The following DNAJC19 variants were observed in gnomAD, a reference collection of about 807,000 sequenced individuals.
DNAJC19 encodes the protein mitochondrial import inner membrane translocase subunit TIM14.
DNAJC19 carries 15 observed loss-of-function variants against 19.8 expected under a neutral mutation model. That is an observed-to-expected ratio of 0.76 (90% CI 0.51 to 1.17). The LOEUF (loss-of-function observed/expected upper bound fraction) is 1.17. Among genes scored for constraint, DNAJC19 ranks in the 50% most tolerant of loss-of-function variants. The probability of loss-of-function intolerance (pLI) is 0.00; values close to 1 mark genes in which losing one functional copy is unlikely to be tolerated. For missense variants in DNAJC19, 105 were observed against 140.9 expected, an observed-to-expected ratio of 0.75 and a Z score of 1.29; for synonymous variants, 38 against 42.1, an observed-to-expected ratio of 0.90 and a Z score of 0.38.
rs1715105210 is a variant in DNAJC19 at position 180,989,472 on chromosome 3, C to T, written c.3+128G>A. ...TTGTGTCCTGGTGAGTGTGACTCCC[C>T]AATAACCGAAACCTCCCGCCCGCAG... On this transcript the variant is annotated intron_variant, in intron 1 of 5. Transcript: ENST00000382564. 8 of 1,534,606 alleles carry T rather than the reference C, an allele frequency of 5.2e-6. No homozygotes were observed. In the South Asian group the frequency reaches 9.7e-5, roughly 19 times the overall value.
In DNAJC19 at chr3:180,986,118, G is replaced by A. The variant is rs779037971; in HGVS notation, c.210-122C>T. 3.6e-6 allele frequency: 3 copies of A among 825,860 alleles called. No individual in the cohort carries two copies. In the East Asian group the frequency reaches 7.9e-5, roughly 22 times the overall value. 51.2% of individuals were successfully genotyped at this position (825,860 alleles called of 1,614,324 possible). On this transcript the variant is annotated intron_variant, in intron 4 of 5. Transcript: ENST00000382564. ...GTAAATTAACACAACAGTATGAAAAGCTGTTTAGAAACCTCAACACACCCA... is the reference window on the plus strand; with the variant it reads ...GTAAATTAACACAACAGTATGAAAAACTGTTTAGAAACCTCAACACACCCA...
intron 5 of DNAJC19, 36 bp downstream of exon 5, chr3:180,985,890 A>T (rs1309972159): frequency 5.7e-6 from 9 of 1,567,500 alleles, no homozygotes; most frequent in Admixed American, 5.0e-5. Context: ...TATTGGTCAC[A>T]CCAACAACAT....
rs1250788406 is a variant in DNAJC19, at chr3:180,987,238, A to C, written c.130-216T>G. 5.2e-6 allele frequency: 3 copies of C among 576,320 alleles called. No individual in the cohort carries two copies. The African/African-American group carries it at 5.6e-5, about 11-fold the overall frequency. The allele number at this position is 576,320 out of a possible 1,614,324, so 35.7% of individuals were successfully genotyped here. On this transcript the variant is annotated intron_variant, in intron 3 of 5. Transcript: ENST00000382564. The stretch of plus-strand genomic sequence containing the variant: ...TCATTAAACAGATTCATTTTTTTCC[A>C]GTCAATATGAACTATCTTAGAAATA...
chr3:180,988,236 A>G lies in DNAJC19; in HGVS notation c.4-7T>C, dbSNP rs753962652. 1 of 1,614,142 alleles carries G rather than the reference A, an allele frequency of 6.2e-7. No individual in the cohort carries two copies. The highest frequency in any genetic ancestry group is 8.5e-7 in the Non-Finnish European group (1 of 1,180,002). ...CTGCTACCACTGTACTGGCCTGGTA[A>G]GGGGGAGAAGAGTAAATATTTACTT... is the stretch of plus-strand genomic sequence containing the variant. On this transcript the variant is annotated splice_region_variant and splice_polypyrimidine_tract_variant and intron_variant, in intron 1 of 5. Transcript: ENST00000382564.
rs1231028067 is a variant in DNAJC19 at position 180,983,845 on chromosome 3, T to C, written c.*795A>G. 2.2e-6 allele frequency: 1 copy of C among 454,038 alleles called. No homozygotes were observed. The highest frequency in any genetic ancestry group is 7.0e-5 in the East Asian group (1 of 14,388). The allele number at this position is 454,038 out of a possible 1,614,324, so 28.1% of individuals were successfully genotyped here. A position where few individuals can be genotyped will look rare whatever the true frequency, so the allele number is the denominator to read the frequency against. On this transcript the variant is annotated 3_prime_UTR_variant, in exon 6 of 6. Transcript: ENST00000382564. ...GCTTAATCATAACAATTGCAGAAGT[T>C]TGATTATGTCAAGAAATAGCCAACT...
chr3:180,983,979 C>A lies in DNAJC19; in HGVS notation c.*661G>T. The A allele has an allele frequency of 2.2e-6, 1 of 453,926 alleles. No individual in the cohort carries two copies. Among genetic ancestry groups the A allele is most frequent in the Non-Finnish European group, 4.4e-6 (1 of 226,694 alleles). The allele number at this position is 453,926 out of a possible 1,614,324, so 28.1% of individuals were successfully genotyped here. Reference sequence around the variant, plus strand: ...TTGGGAGGCTGAGGCGGGAGGACTGCTTAAACCCAGGAGGTTGAGGCTGCA... The same window carrying A: ...TTGGGAGGCTGAGGCGGGAGGACTGATTAAACCCAGGAGGTTGAGGCTGCA... On this transcript the variant is annotated 3_prime_UTR_variant, in exon 6 of 6. Coordinates refer to ENST00000382564, the MANE Select transcript of DNAJC19 (RefSeq NM_145261.4).
At chr3:180,989,511 C>A in intron 1 of DNAJC19, 89 bp downstream of exon 1, 1 of 1,551,274 alleles carries the variant, frequency 6.4e-7, no homozygotes, top group Non-Finnish European at 8.7e-7. Flanking sequence ...CACTAAGGAG[C>A]ACAACTTCAA....
At chr3:180,989,799 A>C (rs1016992780), upstream of DNAJC19, 20 of 895,474 alleles carry the variant, frequency 2.2e-5, no homozygotes, top group African/African-American at 3.3e-5. Context: ...AGGAGAAGGA[A>C]AGTCGCTCAA....
At chr3:180,988,705 C>G (rs1247168021) in intron 1 of DNAJC19, among the ~76,000 whole-genome samples, 2 of 152,036 alleles carry the variant, frequency 1.3e-5, no homozygotes, top group East Asian at 1.9e-4. Flanking sequence ...AAAGTTCAAT[C>G]AAAAGTAGTG....
In DNAJC19 at chr3:180,989,668, A is replaced by T; in HGVS notation, c.-66T>A. ...TCATCCCAGCTCAGAGGCCGCGGCC[A>T]ACACCTGCACGCCTTTACCAGAGAG... On this transcript the variant is annotated 5_prime_UTR_variant, in exon 1 of 6. Coordinates refer to ENST00000382564, the MANE Select transcript of DNAJC19 (RefSeq NM_145261.4). 6.4e-7 allele frequency: 1 copy of T among 1,563,158 alleles called. No individual in the cohort carries two copies. The highest frequency in any genetic ancestry group is 8.7e-7 in the Non-Finnish European group (1 of 1,154,358).
Position 180,987,037 on chromosome 3 carries a change from G to T in DNAJC19, c.130-15C>A, listed in dbSNP as rs775012512. 5.0e-6 allele frequency: 8 copies of T among 1,608,946 alleles called. No homozygotes were observed. The South Asian group carries it at 7.7e-5, about 15-fold the overall frequency. ...CCACTGAAGGCCTGAAAGAAGAAAT[G>T]CATTTGTAAAGAAAGGTTAATAAAA... On this transcript the variant is annotated splice_polypyrimidine_tract_variant and intron_variant, in intron 3 of 5. Transcript: ENST00000382564.
At chr3:180,988,391 A>G (rs1158319596) in intron 1 of DNAJC19, among the ~76,000 whole-genome samples, 162 bp from the exon 2 acceptor site, 6 of 111,916 alleles carry the variant, frequency 5.4e-5, no homozygotes, top group African/African-American at 2.2e-4. Context: ...GAGTCTTGCT[A>G]TGTTGCTTAG....
At position 180,984,281 on chromosome 3, in the gene DNAJC19, C is replaced by G. The variant is rs760642586; in HGVS notation, c.*359G>C. On this transcript the variant is annotated 3_prime_UTR_variant, in exon 6 of 6. Transcript: ENST00000382564. ...AGCTAATTTCCATCATACTATTTAT[C>G]ACAGTCTAATTACCAGTTTATCAGT... 1.5e-5 allele frequency: 7 copies of G among 455,754 alleles called. No homozygotes were observed. The East Asian group carries it at 4.8e-4, about 31-fold the overall frequency. The allele number at this position is 455,754 out of a possible 1,614,324, so 28.2% of individuals were successfully genotyped here. A position where few individuals can be genotyped will look rare whatever the true frequency, so the allele number is the denominator to read the frequency against.
chr3:180,989,553 G>C, intron 1 of DNAJC19, 47 bp downstream of exon 1: 1 of 1,564,174 alleles, frequency 6.4e-7, no homozygotes, highest in Non-Finnish European at 8.7e-7. Flanking sequence ...AGCTGAGGTT[G>C]AGGCCTGGGC....
At chr3:180,986,788 C>T in intron 4 of DNAJC19, 155 bp downstream of exon 4, 1 of 663,390 alleles carries the variant, frequency 1.5e-6, no homozygotes, top group Admixed American at 2.7e-5. Flanking sequence ...CATGAAGGAA[C>T]AGTACAGTTT....
In DNAJC19 at chr3:180,985,918, C is replaced by A; in HGVS notation, c.280+8G>T. ...AACAACATCAACGAGAATTTAATGA[C>A]TACTTACCTTTGTCAGGATGATTTA... On this transcript the variant is annotated splice_region_variant and intron_variant, in intron 5 of 5. Coordinates refer to ENST00000382564, the MANE Select transcript of DNAJC19 (RefSeq NM_145261.4). The A allele has an allele frequency of 6.2e-7, 1 of 1,611,666 alleles. No individual in the cohort carries two copies. The highest frequency in any genetic ancestry group is 8.5e-7 in the Non-Finnish European group (1 of 1,178,092).
chr3:180,988,674 CCAGA>C (rs1219823877), intron 1 of DNAJC19, among the ~76,000 whole-genome samples: 5 of 151,938 alleles, frequency 3.3e-5, no homozygotes, highest in African/African-American at 9.7e-5. Context: ...TCTTTCATCA[CCAGA>C]CAAATTAAGT....
At chr3:180,989,769 T>A, upstream of DNAJC19, 1 of 1,167,296 alleles carries the variant, frequency 8.6e-7, no homozygotes, top group African/African-American at 1.5e-5. Context: ...GCCGGAAAAC[T>A]GTCGTAAAAG....
chr3:180,989,288 C>T, intron 1 of DNAJC19: 1 of 1,363,390 alleles, frequency 7.3e-7, no homozygotes, highest in Non-Finnish European at 9.5e-7. Context: ...CACTTATAAT[C>T]AAATACGTTT....
Sources: gnomAD v4.1 joint callset for allele counts (sites outside exome capture counted in the v4.1 genomes callset) on GRCh38, gnomAD v4.1.1 for gene constraint, MANE v1.5 for transcripts, NCBI Gene and HGNC (gene_info 2026-07-23, HGNC 2026-07-21) for gene names.